CBLL1: variants seen among roughly 807,000 people sequenced by gnomAD.
The protein encoded by CBLL1 is E3 ubiquitin-protein ligase Hakai.
In CBLL1, 4 loss-of-function variants were observed where a neutral mutation model predicts 44.9. The observed-to-expected ratio is 0.09, with a 90% CI of 0.04 to 0.20. CBLL1 has a LOEUF of 0.20. Among genes scored for constraint, CBLL1 ranks in the 10% least tolerant of loss-of-function variants. CBLL1 has a pLI of 1.00. For synonymous variants in CBLL1, 235 were observed against 202.2 expected, an observed-to-expected ratio of 1.16 and a Z score of -1.38; for missense variants, 569 against 636.7, an observed-to-expected ratio of 0.89 and a Z score of 1.14.
Position 107,759,200 on chromosome 7 carries a change from A to G in CBLL1, c.*22A>G, listed in dbSNP as rs771763534. The G allele has an allele frequency of 4.5e-6, 7 of 1,546,948 alleles. No individual in the cohort carries two copies. The East Asian group carries it at 6.8e-5, about 15-fold the overall frequency. On this transcript the variant is annotated 3_prime_UTR_variant, in exon 6 of 6. Coordinates refer to ENST00000440859, the MANE Select transcript of CBLL1 (RefSeq NM_024814.4). The stretch of plus-strand genomic sequence containing the variant: ...ATGATAATAGTATTTTGAATGGAAG[A>G]TATGAGGGGGAAAAAAACTTATGTG...
At chr7:107,757,418 C>T (rs1197985090) in intron 5 of CBLL1, among the ~76,000 whole-genome samples, 2 of 152,160 alleles carry the variant, frequency 1.3e-5, no homozygotes, top group South Asian at 2.1e-4. Flanking sequence ...TTTCAGTCCT[C>T]TTTCCCCACT....
Position 107,758,187 on chromosome 7 carries a change from C to G in CBLL1, c.485C>G (p.Ser162Cys), listed in dbSNP as rs1048591771. 1.2e-6 allele frequency: 2 copies of G among 1,613,780 alleles called. No homozygotes were observed. Among genetic ancestry groups the G allele is most frequent in the African/African-American group, 1.3e-5 (1 of 74,902 alleles). Residue 162 changes from serine to cysteine, a missense_variant, in exon 6 of 6, where the codon TCT (serine) becomes TGT (cysteine). Ser to Cys is a moderately radical substitution (Grantham distance 112). Transcript: ENST00000440859. The surrounding 1 kb of genome is among the most constrained non-coding windows in gnomAD (Gnocchi z 4.2). Reference protein sequence around the residue: ...VQRIEQCTRGSLFMCSIVQGC... With the variant: ...VQRIEQCTRGCLFMCSIVQGC... ...CGAATTGAGCAGTGTACACGAGGTT[C>G]TCTCTTCATGTGTAGCATTGTTCAA...
intron 1 of CBLL1, chr7:107,744,415 G>T: frequency 2.2e-6 from 1 of 460,068 alleles, no homozygotes; most frequent in Non-Finnish European, 3.8e-6. Flanking sequence ...TGGTTCTGCT[G>T]AGCTCCGAGC....
Position 107,753,884 on chromosome 7 carries a change from C to A in CBLL1, c.283-11C>A. On this transcript the variant is annotated splice_polypyrimidine_tract_variant and intron_variant, in intron 3 of 5. Coordinates refer to ENST00000440859, the MANE Select transcript of CBLL1 (RefSeq NM_024814.4). ...TGTAAGAAGGTAATTTTAATTATAT[C>A]ATTTCAACAGATAAACATCTTAGGT... is the stretch of plus-strand genomic sequence containing the variant. 1 of 1,531,194 alleles carries A rather than the reference C, an allele frequency of 6.5e-7. No individual in the cohort carries two copies. Among genetic ancestry groups the A allele is most frequent in the Non-Finnish European group, 8.9e-7 (1 of 1,120,680 alleles). 94.9% of individuals were successfully genotyped at this position (1,531,194 alleles called of 1,614,324 possible).
intron 2 of CBLL1, among the ~76,000 whole-genome samples, chr7:107,751,518 G>A (rs761525780): frequency 7.9e-5 from 12 of 152,036 alleles, no homozygotes; most frequent in South Asian, 2.1e-4. Flanking sequence ...TTCTTTTATC[G>A]TAGGGTTCCT....
intron 1 of CBLL1, 63 bp from the exon 2 acceptor site, chr7:107,748,817 G>C: frequency 2.1e-6 from 3 of 1,422,774 alleles, no homozygotes; most frequent in Non-Finnish European, 2.9e-6. Context: ...TTTAATACCT[G>C]TGGCAGAATA....
intron 1 of CBLL1, among the ~76,000 whole-genome samples, chr7:107,748,661 T>C (rs1407036315): frequency 6.6e-6 from 1 of 152,156 alleles, no homozygotes; most frequent in Admixed American, 6.5e-5. Context: ...TTTTATCAAT[T>C]TCTTAAAGGA....
rs1263330643 is a variant in CBLL1, at chr7:107,758,911, T to A, written c.1209T>A (p.Pro403=). ...TGCCACCTTATATGAATCATCCTCCTCCAGGACCTCCCCCACCTCAACATG... is the reference window on the plus strand; with the variant it reads ...TGCCACCTTATATGAATCATCCTCCACCAGGACCTCCCCCACCTCAACATG... ...AQMPPYMNHP[P]PGPPPPQHGG... Residue 403 remains proline (P), a synonymous_variant, in exon 6 of 6, where the codon CCT becomes CCA. Coordinates refer to ENST00000440859, the MANE Select transcript of CBLL1 (RefSeq NM_024814.4). This position sits in a 1 kb window ranked among gnomAD's most constrained non-coding sequence, Gnocchi z 4.2. 4 of 1,613,750 alleles carry A rather than the reference T, an allele frequency of 2.5e-6. No individual in the cohort carries two copies. In the Admixed American group the frequency reaches 6.7e-5, roughly 27 times the overall value.
intron 2 of CBLL1, 87 bp downstream of exon 2, chr7:107,749,134 T>G (rs1793151181): frequency 8.4e-7 from 1 of 1,184,100 alleles, no homozygotes; most frequent in African/African-American, 1.5e-5. Context: ...GCTACCTCTT[T>G]TTGTCTTACA....
In CBLL1 at chr7:107,761,510, A is replaced by G. The variant is rs1238720977; in HGVS notation, c.*2332A>G. On this transcript the variant is annotated 3_prime_UTR_variant, in exon 6 of 6. Coordinates refer to ENST00000440859, the MANE Select transcript of CBLL1 (RefSeq NM_024814.4). ...ACTGTTAGTGTTTCTTTCCTTACGGAAAAAGATGTGAATCCCAGCCTTATT... is the reference window on the plus strand; with the variant it reads ...ACTGTTAGTGTTTCTTTCCTTACGGGAAAAGATGTGAATCCCAGCCTTATT... The G allele has an allele frequency of 6.6e-6, 1 of 152,170 alleles. No homozygotes were observed. Among genetic ancestry groups the G allele is most frequent in the African/African-American group, 2.4e-5 (1 of 41,446 alleles). 9.4% of individuals were successfully genotyped at this position (152,170 alleles called of 1,614,324 possible). A position where few individuals can be genotyped will look rare whatever the true frequency, so the allele number is the denominator to read the frequency against.
chr7:107,758,959 C>G lies in CBLL1; in HGVS notation c.1257C>G (p.Pro419=). The change falls in exon 6 of 6, where the codon CCC becomes CCG. Residue 419 remains proline, a synonymous_variant. Transcript: ENST00000440859. This position sits in a 1 kb window ranked among gnomAD's most constrained non-coding sequence, Gnocchi z 4.2. The part of the protein sequence containing the change: ...PQHGGPPVTA[P]PPHHYNPNSL... ...ATGGTGGTCCACCTGTAACTGCACC[C>G]CCTCCTCACCATTATAATCCTAACT... The G allele has an allele frequency of 6.2e-7, 1 of 1,613,612 alleles. No homozygotes were observed. The highest frequency in any genetic ancestry group is 8.5e-7 in the Non-Finnish European group (1 of 1,179,696).
chr7:107,758,131 C>A lies in CBLL1; in HGVS notation c.441-12C>A. 6.5e-7 allele frequency: 1 copy of A among 1,547,962 alleles called. No homozygotes were observed. Among genetic ancestry groups the A allele is most frequent in the South Asian group, 1.2e-5 (1 of 82,044 alleles). ...CTTTTAGTAAATCACATTTCTTTCC[C>A]TTCTAATTTAGCTGTAGTGATCCTG... is the stretch of plus-strand genomic sequence containing the variant. On this transcript the variant is annotated splice_polypyrimidine_tract_variant and intron_variant, in intron 5 of 5. Transcript: ENST00000440859. This position sits in a 1 kb window ranked among gnomAD's most constrained non-coding sequence, Gnocchi z 4.2.
At chr7:107,754,036 G>C in intron 4 of CBLL1, 58 bp downstream of exon 4, 1 of 1,071,278 alleles carries the variant, frequency 9.3e-7, no homozygotes. Context: ...GTGGGGTTCT[G>C]AAATTTAGAT....
intron 1 of CBLL1, among the ~76,000 whole-genome samples, chr7:107,746,428 AAT>A (rs1793019740): frequency 2.0e-5 from 3 of 152,302 alleles, no homozygotes; most frequent in African/African-American, 7.2e-5. Flanking sequence ...TAAATGAATC[AAT>A]CTCTTTGATG....
At chr7:107,753,138 C>T (rs1793378847) in intron 2 of CBLL1, among the ~76,000 whole-genome samples, 1 of 152,164 alleles carries the variant, frequency 6.6e-6, no homozygotes, top group South Asian at 2.1e-4. Flanking sequence ...GATCTGAGGT[C>T]TGTTCCTGGC....
intron 2 of CBLL1, chr7:107,749,259 T>C (rs1418128471): frequency 5.3e-6 from 2 of 378,096 alleles, no homozygotes; most frequent in Non-Finnish European, 9.4e-6. Context: ...AAAGCAATAC[T>C]GCCCATTGTT....
intron 2 of CBLL1, among the ~76,000 whole-genome samples, chr7:107,752,974 ACAAT>A (rs1416586996): frequency 2.6e-5 from 4 of 152,236 alleles, no homozygotes; most frequent in Non-Finnish European, 5.9e-5. Context: ...TATTGGCAAT[ACAAT>A]CAGTCTCTTA....
intron 2 of CBLL1, among the ~76,000 whole-genome samples, chr7:107,752,022 A>G (rs998863411): frequency 2.0e-5 from 3 of 151,796 alleles, no homozygotes; most frequent in African/African-American, 7.3e-5. Context: ...ACACAGTGAA[A>G]CCTCGTCTCT....
At chr7:107,745,036 G>A (rs1160887475) in intron 1 of CBLL1, among the ~76,000 whole-genome samples, 3 of 152,140 alleles carry the variant, frequency 2.0e-5, no homozygotes, top group Admixed American at 1.3e-4. Context: ...ATAATTAGGT[G>A]TGTATGTTTA....
Sources: allele counts gnomAD v4.1 joint callset (sites outside exome capture counted in the v4.1 genomes callset), GRCh38; gene constraint gnomAD v4.1.1; non-coding constraint Gnocchi (gnomAD v3.1); transcripts MANE v1.5; gene names NCBI Gene and HGNC (gene_info 2026-07-23, HGNC 2026-07-21).